TRIM24: variants seen among roughly 807,000 people sequenced by gnomAD.
The protein encoded by TRIM24 is tripartite motif containing 24, also known as transcription intermediary factor 1-alpha.
TRIM24 carries 29 observed loss-of-function variants against 123.9 expected under a neutral mutation model. The ratio of observed to expected loss-of-function variants is 0.23; its 90% CI spans 0.17 to 0.32. The LOEUF (loss-of-function observed/expected upper bound fraction) is 0.32. TRIM24 is among the 10% of genes least tolerant of loss of function. The pLI, the probability that TRIM24 is intolerant of heterozygous loss-of-function variation, is 1.00. For missense variants in TRIM24, 932 were observed against 1,295.3 expected (o/e 0.72, Z 4.31); for synonymous variants, 456 against 461.1 (o/e 0.99, Z 0.14).
intron 14 of TRIM24, among the ~76,000 whole-genome samples, chr7:138,577,850 T>TATCA (rs111339046): frequency 6.6e-6 from 1 of 152,164 alleles, no homozygotes; most frequent in African/African-American, 2.4e-5. Context: ...CCAGGCAAAT[T>TATCA]ATCAATCAGA....
At position 138,573,550 on chromosome 7, in the gene TRIM24, A is replaced by AAGAT. The variant is rs772829451; in HGVS notation, c.1924_1927dup (p.Thr643ArgfsTer3). The AAGAT allele has an allele frequency of 6.2e-7, 1 of 1,612,640 alleles. No individual in the cohort carries two copies. The highest frequency in any genetic ancestry group is 1.6e-4 in the Middle Eastern group (1 of 6,082). On this transcript the variant is annotated frameshift_variant, in exon 12 of 19. Transcript: ENST00000343526. LOFTEE classifies it high-confidence loss of function. ...ATTATGCTGGACAATATTGTGAGGA[A>AAGAT]AGATACTAATATAGATCATGGCCAG...
In TRIM24 at chr7:138,497,393, CTTTTTTTTTTT is replaced by C. The variant is rs869232002; in HGVS notation, c.365-6882_365-6872del. On this transcript the variant is annotated intron_variant, in intron 1 of 18. Coordinates refer to ENST00000343526, the MANE Select transcript of TRIM24 (RefSeq NM_015905.3). ...GATGGGAAGGTTTCAATTACAATTT[CTTTTTTTTTTT>C]TTTTTTTTTTTTTTGAGAAAGAGTC... Among the ~76,000 whole-genome samples the C allele has an allele frequency of 5.3e-4, 47 of 88,322 alleles. No homozygotes were observed. In the East Asian group the frequency reaches 0.011, roughly 20 times the overall value. 57.9% of individuals were successfully genotyped at this position (88,322 alleles called of 152,430 possible).
intron 3 of TRIM24, among the ~76,000 whole-genome samples, chr7:138,515,833 A>G (rs758124953): frequency 2.2e-4 from 33 of 152,170 alleles, no homozygotes; most frequent in Middle Eastern, 3.4e-3. Flanking sequence ...TGTACAGTTC[A>G]CTCATATGTT....
At chr7:138,564,084 G>T (rs1254498416) in intron 9 of TRIM24, among the ~76,000 whole-genome samples, 1 of 152,204 alleles carries the variant, frequency 6.6e-6, no homozygotes, top group Non-Finnish European at 1.5e-5. Flanking sequence ...AAGATGGATT[G>T]CATTAAATCT....
intron 9 of TRIM24, among the ~76,000 whole-genome samples, chr7:138,559,892 G>A (rs1020716476): frequency 2.0e-5 from 3 of 152,198 alleles, no homozygotes; most frequent in Non-Finnish European, 2.9e-5. Context: ...AAAAGGGTGT[G>A]ATGGGTCTGT....
Position 138,575,459 on chromosome 7 carries a change from A to ATTTT in TRIM24, c.2015-898_2015-895dup, listed in dbSNP as rs34375724. On this transcript the variant is annotated intron_variant, in intron 12 of 18. Coordinates refer to ENST00000343526, the MANE Select transcript of TRIM24 (RefSeq NM_015905.3). ...AGGTAGGTGCCACCAGGCCTGGCTA[A>ATTTT]TTTTTTTTTTTTTTTTTTTGGTTAG... is the stretch of plus-strand genomic sequence containing the variant. 5.0e-3 allele frequency among the ~76,000 whole-genome samples: 637 copies of ATTTT among 127,202 alleles called. 5 individuals are homozygous for ATTTT. The highest frequency in any genetic ancestry group is 0.017 in the African/African-American group (573 of 33,872). The allele number at this position is 127,202 out of a possible 152,430, so 83.4% of individuals were successfully genotyped here. A position where few individuals can be genotyped will look rare whatever the true frequency, so the allele number is the denominator to read the frequency against.
chr7:138,580,711 A>G lies in TRIM24; in HGVS notation c.2718+17A>G, dbSNP rs1797875288. 6.2e-7 allele frequency: 1 copy of G among 1,610,530 alleles called. No homozygotes were observed. The highest frequency in any genetic ancestry group is 8.5e-7 in the Non-Finnish European group (1 of 1,178,256). On this transcript the variant is annotated intron_variant, in intron 16 of 18. Transcript: ENST00000343526. ...GATAAAAGGGTAAGTCTTTGGTAAGATGCATTATTGTATTGTAGTGCAATA... is the reference window on the plus strand; with the variant it reads ...GATAAAAGGGTAAGTCTTTGGTAAGGTGCATTATTGTATTGTAGTGCAATA...
At chr7:138,584,181 A>G (rs1400620815) in intron 18 of TRIM24, among the ~76,000 whole-genome samples, 182 bp downstream of exon 18, 12 of 152,254 alleles carry the variant, frequency 7.9e-5, no homozygotes, top group Admixed American at 5.9e-4. Context: ...TCAAAGGTTT[A>G]TTAGATGGTG....
chr7:138,480,663 A>T (rs1246716116), intron 1 of TRIM24, among the ~76,000 whole-genome samples: 1 of 152,160 alleles, frequency 6.6e-6, no homozygotes, highest in Non-Finnish European at 1.5e-5. Flanking sequence ...ACGGTAAGGC[A>T]GAATTCCTGA....
intron 2 of TRIM24, 123 bp from the exon 3 acceptor site, chr7:138,515,089 C>A: frequency 1.1e-6 from 1 of 928,368 alleles, no homozygotes; most frequent in East Asian, 2.6e-5. Flanking sequence ...TTAAAATTTC[C>A]CAACACCATT....
chr7:138,465,149 C>T (rs1795108136), intron 1 of TRIM24, among the ~76,000 whole-genome samples: 1 of 152,184 alleles, frequency 6.6e-6, no homozygotes, highest in Admixed American at 6.5e-5. Flanking sequence ...TTACACTGGC[C>T]ACCAAGCTCC....
intron 1 of TRIM24, among the ~76,000 whole-genome samples, chr7:138,477,365 C>G (rs371550475): frequency 3.3e-5 from 5 of 151,848 alleles, no homozygotes; most frequent in African/African-American, 1.2e-4. Context: ...TGACTGCTAG[C>G]GAGGCAAGAA....
intron 1 of TRIM24, among the ~76,000 whole-genome samples, chr7:138,475,838 T>G (rs964520523): frequency 6.6e-6 from 1 of 152,136 alleles, no homozygotes; most frequent in African/African-American, 2.4e-5. Context: ...AAAAGATACA[T>G]CTGCAAAATC....
Position 138,460,708 on chromosome 7 carries a change from G to A in TRIM24, c.160G>A (p.Asp54Asn). 2 of 1,564,280 alleles carry A rather than the reference G, an allele frequency of 1.3e-6. No homozygotes were observed. Among genetic ancestry groups the A allele is most frequent in the Non-Finnish European group, 1.7e-6 (2 of 1,159,318 alleles). ...GGEAARLNLLDTCAVCHQNIQ... is the reference protein window; with the variant it reads ...GGEAARLNLLNTCAVCHQNIQ... The stretch of plus-strand genomic sequence containing the variant: ...CGAGGCGGCCCGGCTCAACCTGTTG[G>A]ACACTTGCGCCGTGTGCCACCAGAA... The change falls in exon 1 of 19, where the codon GAC (aspartate) becomes AAC (asparagine). Residue 54 changes from aspartate to asparagine, a missense_variant. Around this residue, in one of 7 missense-constraint regions of TRIM24, gnomAD observed 164 missense variants for 181.9 expected, o/e 0.90. Coordinates refer to ENST00000343526, the MANE Select transcript of TRIM24 (RefSeq NM_015905.3).
At chr7:138,534,207 A>G (rs991559219) in intron 6 of TRIM24, among the ~76,000 whole-genome samples, 25 of 151,978 alleles carry the variant, frequency 1.6e-4, no homozygotes, top group Middle Eastern at 3.4e-3. Context: ...TTGTGTCTCT[A>G]TCTCCTTCAG....
At chr7:138,512,405 C>T (rs1275889413) in intron 2 of TRIM24, among the ~76,000 whole-genome samples, 3 of 152,142 alleles carry the variant, frequency 2.0e-5, no homozygotes, top group Non-Finnish European at 2.9e-5. Context: ...CTGTACTGCG[C>T]GAGTAGAGGT....
chr7:138,579,701 G>C (rs1165892087), intron 15 of TRIM24, among the ~76,000 whole-genome samples, 169 bp downstream of exon 15: 2 of 152,116 alleles, frequency 1.3e-5, no homozygotes, highest in Non-Finnish European at 2.9e-5. Context: ...TATTCTTTGT[G>C]CTTCTTTCAA....
At chr7:138,492,385 T>G (rs1046228471) in intron 1 of TRIM24, among the ~76,000 whole-genome samples, 3 of 152,028 alleles carry the variant, frequency 2.0e-5, no homozygotes, top group African/African-American at 7.2e-5. Context: ...TACTAAGCAC[T>G]TACAAGATAC....
At chr7:138,569,807 A>G (rs1797615825) in intron 10 of TRIM24, among the ~76,000 whole-genome samples, 1 of 152,224 alleles carries the variant, frequency 6.6e-6, no homozygotes, top group South Asian at 2.1e-4. Context: ...GGCATCTTGC[A>G]GTACACTTAG....
Sources: gnomAD v4.1 joint callset for allele counts (sites outside exome capture counted in the v4.1 genomes callset) on GRCh38, gnomAD v4.1.1 for gene constraint, gnomAD v4.1.1 regional missense constraint, MANE v1.5 for transcripts, NCBI Gene and HGNC (gene_info 2026-07-23, HGNC 2026-07-21) for gene names.